Variants in CCNK observed in about 807,000 individuals in gnomAD.
CCNK encodes the protein cyclin-K.
Under a neutral mutation model 65.0 loss-of-function variants are expected in CCNK, and 9 were observed. The ratio of observed to expected loss-of-function variants is 0.14; its 90% CI spans 0.08 to 0.24. The LOEUF (loss-of-function observed/expected upper bound fraction) is 0.24. CCNK is among the 10% of genes least tolerant of loss of function. CCNK has a pLI of 1.00. For synonymous variants in CCNK, 279 were observed against 270.8 expected (o/e 1.03, Z -0.30); for missense variants, 474 against 720.0 (o/e 0.66, Z 3.91).
chr14:99,501,637 T>G, intron 6 of CCNK: 1 of 520,774 alleles, frequency 1.9e-6, no homozygotes, highest in East Asian at 3.2e-5. Flanking sequence ...TGCTGAAATT[T>G]TATCACCAGT....
intron 2 of CCNK, 158 bp downstream of exon 2, chr14:99,493,032 T>C (rs1444710139): frequency 1.4e-5 from 10 of 709,004 alleles, no homozygotes; most frequent in Non-Finnish European, 2.2e-5. Flanking sequence ...TTTTTCTCTT[T>C]CTGATTTGTC....
At chr14:99,501,121 A>G (rs1418777601) in intron 5 of CCNK, 2 of 601,156 alleles carry the variant, frequency 3.3e-6, no homozygotes, top group Admixed American at 3.2e-5. Flanking sequence ...TTTTAAATGG[A>G]CTAATAAACT....
At chr14:99,508,703 G>C (rs1287834273) in intron 10 of CCNK, 1 of 152,540 alleles carries the variant, frequency 6.6e-6, no homozygotes, top group African/African-American at 2.4e-5. Context: ...GAGGGAATGG[G>C]GTGCCCAGGA....
Position 99,500,747 on chromosome 14 carries a change from A to G in CCNK, c.412-19A>G. 6.8e-7 allele frequency: 1 copy of G among 1,469,256 alleles called. No homozygotes were observed. Among genetic ancestry groups the G allele is most frequent in the Non-Finnish European group, 9.3e-7 (1 of 1,070,228 alleles). 91.0% of individuals were successfully genotyped at this position (1,469,256 alleles called of 1,614,324 possible). The stretch of plus-strand genomic sequence containing the variant: ...CTGCAATTGTAATTACTGTCCTAAC[A>G]TTTGTGATTGATTTTTAGGAGGAAG... On this transcript the variant is annotated intron_variant, in intron 4 of 10. Transcript: ENST00000389879.
At position 99,502,311 on chromosome 14, in the gene CCNK, C is replaced by T; in HGVS notation, c.680C>T (p.Ser227Phe). The stretch of plus-strand genomic sequence containing the variant: ...AAATTTGAAATACAAGAATGGACCT[C>T]CAAACCCATGTATAGGAGATGGTGG... Reference protein sequence around the residue: ...LCKFEIQEWTSKPMYRRWWEQ... With the variant: ...LCKFEIQEWTFKPMYRRWWEQ... The change falls in exon 7 of 11, where the codon TCC becomes TTC. Residue 227 changes from serine to phenylalanine, a missense_variant. By Grantham distance (155) the Ser-to-Phe change is radical (BLOSUM62 -2). Transcript: ENST00000389879. 2 of 1,613,370 alleles carry T rather than the reference C, an allele frequency of 1.2e-6. No homozygotes were observed. Among genetic ancestry groups the T allele is most frequent in the Non-Finnish European group, 1.7e-6 (2 of 1,179,718 alleles).
chr14:99,491,251 T>C (rs1896592377), intron 1 of CCNK, among the ~76,000 whole-genome samples: 1 of 152,196 alleles, frequency 6.6e-6, no homozygotes, highest in South Asian at 2.1e-4. Flanking sequence ...CAGAGTCGAT[T>C]CCCAGCAGTG....
intron 1 of CCNK, among the ~76,000 whole-genome samples, chr14:99,485,886 A>G (rs1487301417): frequency 6.6e-6 from 1 of 151,962 alleles, no homozygotes; most frequent in Non-Finnish European, 1.5e-5. Flanking sequence ...AGAATAACCT[A>G]TTTCCTAGTC....
chr14:99,507,307 T>C, intron 10 of CCNK, 160 bp downstream of exon 10: 1 of 653,314 alleles, frequency 1.5e-6, no homozygotes, highest in Non-Finnish European at 2.8e-6. Flanking sequence ...CTGGGCACAA[T>C]GGCTTGTGTT....
At chr14:99,484,175 A>G (rs915686215) in intron 1 of CCNK, among the ~76,000 whole-genome samples, 3 of 152,248 alleles carry the variant, frequency 2.0e-5, no homozygotes, top group African/African-American at 7.2e-5. Flanking sequence ...GAGGGAAGGC[A>G]GTATCTTGGT....
At chr14:99,490,213 A>G (rs1212102086) in intron 1 of CCNK, among the ~76,000 whole-genome samples, 1 of 152,214 alleles carries the variant, frequency 6.6e-6, no homozygotes, top group East Asian at 1.9e-4. Flanking sequence ...CGTGACTTGC[A>G]TCTAAGGAAT....
chr14:99,497,670 C>CT (rs1896731375), intron 4 of CCNK, among the ~76,000 whole-genome samples: 1 of 152,180 alleles, frequency 6.6e-6, no homozygotes, highest in East Asian at 1.9e-4. Context: ...CAATAGTTAT[C>CT]TTTTTCTCTG....
Position 99,507,062 on chromosome 14 carries a change from CT to C in CCNK, c.1046-9del, listed in dbSNP as rs1358197613. On this transcript the variant is annotated splice_polypyrimidine_tract_variant and intron_variant, in intron 9 of 10. Transcript: ENST00000389879. ...GAAGTATGAGTGGTTTTCTAATCTG[CT>C]TTTTCTTTGTAGAACCACCACCACC... 3 of 1,566,436 alleles carry C rather than the reference CT, an allele frequency of 1.9e-6. No individual in the cohort carries two copies. Among genetic ancestry groups the C allele is most frequent in the African/African-American group, 1.4e-5 (1 of 73,994 alleles).
chr14:99,485,803 G>A (rs930009972), intron 1 of CCNK, among the ~76,000 whole-genome samples: 20 of 152,124 alleles, frequency 1.3e-4, no homozygotes, highest in African/African-American at 4.1e-4. Context: ...GGAGGTTGCA[G>A]TGAGCACCAC....
chr14:99,484,358 C>A (rs1330093912), intron 1 of CCNK, among the ~76,000 whole-genome samples: 2 of 152,184 alleles, frequency 1.3e-5, no homozygotes, highest in African/African-American at 4.8e-5. Context: ...TAGTTACCAC[C>A]CCCCTCCCAT....
At chr14:99,489,256 G>A (rs189890312) in intron 1 of CCNK, among the ~76,000 whole-genome samples, 19 of 151,992 alleles carry the variant, frequency 1.3e-4, no homozygotes, top group Admixed American at 1.1e-3. Flanking sequence ...TGAAAATCTT[G>A]GTTCCTAACA....
intron 10 of CCNK, chr14:99,508,442 T>C: frequency 6.6e-6 from 1 of 152,366 alleles, no homozygotes; most frequent in Non-Finnish European, 1.5e-5. Flanking sequence ...CTCTGCTCCC[T>C]CCCCCATTAC....
Position 99,510,296 on chromosome 14 carries a change from GC to G in CCNK, c.1262del (p.Pro421ArgfsTer9). 7.2e-7 allele frequency: 1 copy of G among 1,397,830 alleles called. No individual in the cohort carries two copies. 86.6% of individuals were successfully genotyped at this position (1,397,830 alleles called of 1,614,324 possible). On this transcript the variant is annotated frameshift_variant, in exon 11 of 11. Transcript: ENST00000389879. LOFTEE classifies it high-confidence loss of function. ...ACCAGCCACCGCCGCTGCCACACCGGCCCCCGCCCCCACCCCCCTCCAGCTA... is the reference window on the plus strand; with the variant it reads ...ACCAGCCACCGCCGCTGCCACACCGGCCCCGCCCCCACCCCCCTCCAGCTA... Reference protein sequence around the residue: ...VHQPPPLPHRPPPPPPSSYMT... With the variant: ...VHQPPPLPHRXPPPPPSSYMT...
In CCNK at chr14:99,488,269, C is replaced by CT. The variant is rs202158382; in HGVS notation, c.-52-4349dup. ...AATTTTTCCAAATTGTTTGAAATTT[C>CT]TTTTTTTTAAAAAAAAAAAAAAAGC... On this transcript the variant is annotated intron_variant, in intron 1 of 10. Coordinates refer to ENST00000389879, the MANE Select transcript of CCNK (RefSeq NM_001099402.2). Among the ~76,000 whole-genome samples the CT allele has an allele frequency of 3.2e-3, 471 of 145,030 alleles. 4 individuals carry two copies. The highest frequency in any genetic ancestry group is 0.011 in the African/African-American group (405 of 38,558).
chr14:99,493,162 G>T (rs1896630003), intron 2 of CCNK: 1 of 444,072 alleles, frequency 2.3e-6, no homozygotes. Flanking sequence ...CAGCACTTTG[G>T]GAGGCCTAGA....
Sources: gnomAD v4.1 joint callset for allele counts (sites outside exome capture counted in the v4.1 genomes callset) on GRCh38, gnomAD v4.1.1 for gene constraint, MANE v1.5 for transcripts, NCBI Gene and HGNC (gene_info 2026-07-23, HGNC 2026-07-21) for gene names.